NDUFS1: variants seen among roughly 807,000 people sequenced by gnomAD.
NDUFS1 encodes the protein NADH:ubiquinone oxidoreductase core subunit S1, also known as NADH-ubiquinone oxidoreductase 75 kDa subunit, mitochondrial.
In NDUFS1, 61 loss-of-function variants were observed where a neutral mutation model predicts 84.4. That is an observed-to-expected ratio of 0.72 (90% CI 0.59 to 0.89). NDUFS1 has a LOEUF of 0.89. Ranked by LOEUF, NDUFS1 falls within the 40% of genes least tolerant of loss-of-function variation. NDUFS1 has a pLI of 0.00. For missense variants in NDUFS1, 891 were observed against 890.0 expected, an observed-to-expected ratio of 1.00 and a Z score of -0.01; for synonymous variants, 275 against 290.0, an observed-to-expected ratio of 0.95 and a Z score of 0.53.
At chr2:206,155,281 A>T (rs1440483872) in intron 1 of NDUFS1, among the ~76,000 whole-genome samples, 1 of 150,868 alleles carries the variant, frequency 6.6e-6, no homozygotes, top group African/African-American at 2.4e-5. Context: ...ATGCCAGGCT[A>T]ATTTTTTGTA....
At chr2:206,134,699 G>T (rs1313852406) in intron 13 of NDUFS1, among the ~76,000 whole-genome samples, 1 of 152,158 alleles carries the variant, frequency 6.6e-6, no homozygotes, top group East Asian at 1.9e-4. Flanking sequence ...TGAAAAACCA[G>T]GCAAGGTTGG....
rs1691081064 is a variant in NDUFS1 at position 206,121,057 on chromosome 2, G to C, written c.*3128C>G. ...AAATAAGTTATTTGATATTTCTTGA[G>C]TCTCAATTAATACCTACTATTAGCA... On this transcript the variant is annotated 3_prime_UTR_variant, in exon 19 of 19. Transcript: ENST00000233190. 1.3e-5 allele frequency: 2 copies of C among 152,178 alleles called. No individual in the cohort carries two copies. The highest frequency in any genetic ancestry group is 2.9e-5 in the Non-Finnish European group (2 of 68,038). 9.4% of individuals were successfully genotyped at this position (152,178 alleles called of 1,614,324 possible). A position where few individuals can be genotyped will look rare whatever the true frequency, so the allele number is the denominator to read the frequency against.
intron 7 of NDUFS1, 101 bp from the exon 8 acceptor site, chr2:206,147,189 AATGAGT>A (rs1196976985): frequency 8.4e-7 from 1 of 1,189,716 alleles, no homozygotes; most frequent in African/African-American, 1.5e-5. Context: ...ACTAAAAAGA[AATGAGT>A]ATATTTTTAA....
chr2:206,153,822 G>A lies in NDUFS1; in HGVS notation c.-4-140C>T. 6.4e-6 allele frequency: 4 copies of A among 626,672 alleles called. No individual in the cohort carries two copies. The East Asian group carries it at 8.7e-5, about 14-fold the overall frequency. 38.8% of individuals were successfully genotyped at this position (626,672 alleles called of 1,614,324 possible). The stretch of plus-strand genomic sequence containing the variant: ...AGGTTCTGATATTTTCACTTAGTCT[G>A]TAGATGAGAATTCTCAGTCTCAGAG... On this transcript the variant is annotated intron_variant, in intron 1 of 18. Coordinates refer to ENST00000233190, the MANE Select transcript of NDUFS1 (RefSeq NM_005006.7).
chr2:206,150,054 T>TATCTATCTATCTATCTATCTATC (rs79839685), intron 3 of NDUFS1, 129 bp from the exon 4 acceptor site: 1 of 724,106 alleles, frequency 1.4e-6, no homozygotes, highest in African/African-American at 1.8e-5. Flanking sequence ...TCTATCTATC[T>TATCTATCTATCTATCTATCTATC]TAATTCATTC....
At chr2:206,139,034 T>C (rs1210912235) in intron 12 of NDUFS1, among the ~76,000 whole-genome samples, 2 of 151,666 alleles carry the variant, frequency 1.3e-5, no homozygotes, top group Non-Finnish European at 2.9e-5. Flanking sequence ...GAGAATCGCT[T>C]GAACCCAGGA....
At chr2:206,154,884 A>G (rs572420281) in intron 1 of NDUFS1, among the ~76,000 whole-genome samples, 2 of 150,014 alleles carry the variant, frequency 1.3e-5, no homozygotes, top group South Asian at 4.2e-4. Context: ...TGACCTCCCA[A>G]AGTGTTGGGG....
intron 1 of NDUFS1, chr2:206,159,128 C>T (rs901228558): frequency 5.2e-6 from 8 of 1,535,598 alleles, no homozygotes; most frequent in Admixed American, 2.0e-5. Context: ...ACCCCCTGAT[C>T]CTCATCTTCT....
chr2:206,141,890 CA>C, intron 12 of NDUFS1, 50 bp downstream of exon 12: 3 of 1,513,520 alleles, frequency 2.0e-6, no homozygotes, highest in East Asian at 5.0e-5. Flanking sequence ...ACATATAAAA[CA>C]AAAAAATTAC....
chr2:206,133,018 A>G lies in NDUFS1; in HGVS notation c.1480T>C (p.Ser494Pro). 1 of 1,613,964 alleles carries G rather than the reference A, an allele frequency of 6.2e-7. No individual in the cohort carries two copies. Among genetic ancestry groups the G allele is most frequent in the Non-Finnish European group, 8.5e-7 (1 of 1,179,916 alleles). ...NDGAAILAAV[S>P]SIAQKIRMTS... is the part of the protein sequence containing the mutation. ...ATCCGAATCTTTTGTGCAATGCTAG[A>G]AACAGCTGCAAGAATTGCTGCTCCA... is the stretch of plus-strand genomic sequence containing the variant. The change falls in exon 14 of 19, where the codon TCT (serine) becomes CCT (proline). Residue 494 changes from serine to proline, a missense_variant. Coordinates refer to ENST00000233190, the MANE Select transcript of NDUFS1 (RefSeq NM_005006.7).
chr2:206,138,470 A>AT lies in NDUFS1; in HGVS notation c.1392+14dup. The AT allele has an allele frequency of 6.2e-7, 1 of 1,612,164 alleles. No individual in the cohort carries two copies. Among genetic ancestry groups the AT allele is most frequent in the South Asian group, 1.1e-5 (1 of 91,038 alleles). On this transcript the variant is annotated intron_variant, in intron 13 of 18. Transcript: ENST00000233190. ...TAAAAATCAACAAGAGTAGATACAC[A>AT]TAAGTTGAGAGCACCTGGCTAAATG...
intron 11 of NDUFS1, 26 bp downstream of exon 11, chr2:206,142,660 C>A (rs1252750540): frequency 6.2e-7 from 1 of 1,613,894 alleles, no homozygotes. Flanking sequence ...AAAGGAAAGC[C>A]TAGATCCTAG....
intron 11 of NDUFS1, 132 bp downstream of exon 11, chr2:206,142,554 C>G: frequency 9.0e-7 from 1 of 1,115,022 alleles, no homozygotes; most frequent in South Asian, 1.4e-5. Context: ...CCTACAACTT[C>G]TGGTTTGATC....
chr2:206,159,444 T>C lies in NDUFS1; in HGVS notation c.-108A>G, dbSNP rs1244542419. 2.4e-6 allele frequency: 1 copy of C among 425,236 alleles called. No homozygotes were observed. The allele number at this position is 425,236 out of a possible 1,614,324, so 26.3% of individuals were successfully genotyped here. On this transcript the variant is annotated 5_prime_UTR_variant, in exon 1 of 19. Transcript: ENST00000233190. ...TCAATATGGCGGCCTCGGCTAACTC[T>C]GTCAGCCGGGCCTGGAGAACGGAAA...
At position 206,152,496 on chromosome 2, in the gene NDUFS1, T is replaced by G; in HGVS notation, c.76A>C (p.Thr26Pro). ...SPKGCVRTTA[T>P]AASNLIEVFV... ...ACTTCAATCAAGTTGCTTGCTGCTG[T>G]GGCAGTTGTTCGAACTGACCATCAA... The change falls in exon 3 of 19, where the codon ACA becomes CCA. Residue 26 changes from threonine (T) to proline (P), a missense_variant. Coordinates refer to ENST00000233190, the MANE Select transcript of NDUFS1 (RefSeq NM_005006.7). 1 of 1,614,160 alleles carries G rather than the reference T, an allele frequency of 6.2e-7. No homozygotes were observed.
At chr2:206,125,842 T>C (rs1056678383) in intron 18 of NDUFS1, among the ~76,000 whole-genome samples, 15 of 152,148 alleles carry the variant, frequency 9.9e-5, no homozygotes, top group African/African-American at 3.4e-4. Context: ...ACAGTGTCTG[T>C]TGTTTCCTTC....
At chr2:206,132,793 TCA>T (rs1691562860) in intron 14 of NDUFS1, 150 bp downstream of exon 14, 1 of 648,870 alleles carries the variant, frequency 1.5e-6, no homozygotes, top group African/African-American at 1.8e-5. Context: ...CGGGCTCTTC[TCA>T]CACAGAGTAA....
At position 206,153,928 on chromosome 2, in the gene NDUFS1, C is replaced by T. The variant is rs1489906743; in HGVS notation, c.-4-246G>A. On this transcript the variant is annotated intron_variant, in intron 1 of 18. Coordinates refer to ENST00000233190, the MANE Select transcript of NDUFS1 (RefSeq NM_005006.7). The stretch of plus-strand genomic sequence containing the variant: ...GGACTTTCTAATTCTATGCAGAGAG[C>T]AGTTTTGCCATTTAAAAAAAAATGA... 2.6e-5 allele frequency among the ~76,000 whole-genome samples: 4 copies of T among 152,092 alleles called. No homozygotes were observed. In the East Asian group the frequency reaches 7.7e-4, roughly 29 times the overall value.
At position 206,114,963 on chromosome 2, in the gene NDUFS1, A is replaced by G. The variant is rs1014522012; in HGVS notation, c.*9222T>C. The G allele has an allele frequency of 1.3e-5, 2 of 152,202 alleles. No homozygotes were observed. The highest frequency in any genetic ancestry group is 2.9e-5 in the Non-Finnish European group (2 of 68,034). The allele number at this position is 152,202 out of a possible 1,614,324, so 9.4% of individuals were successfully genotyped here. ...GCACTTTCCATATCAGCACGTTGAGATCTAGCTCATTGGTTTAAACATCTG... is the reference window on the plus strand; with the variant it reads ...GCACTTTCCATATCAGCACGTTGAGGTCTAGCTCATTGGTTTAAACATCTG... On this transcript the variant is annotated 3_prime_UTR_variant, in exon 19 of 19. Transcript: ENST00000233190.
Sources: allele counts gnomAD v4.1 joint callset (sites outside exome capture counted in the v4.1 genomes callset), GRCh38; gene constraint gnomAD v4.1.1; transcripts MANE v1.5; gene names NCBI Gene and HGNC (gene_info 2026-07-23, HGNC 2026-07-21).